Variants in FMNL3 observed in about 807,000 individuals in gnomAD.
FMNL3 encodes the protein formin like 3.
FMNL3 carries 57 observed loss-of-function variants against 119.6 expected under a neutral mutation model. The observed-to-expected ratio is 0.48, with a 90% CI of 0.39 to 0.59. The LOEUF (loss-of-function observed/expected upper bound fraction) is 0.59. Ranked by LOEUF, FMNL3 falls within the 20% of genes least tolerant of loss-of-function variation. The pLI, the probability that FMNL3 is intolerant of heterozygous loss-of-function variation, is 0.00. For missense variants in FMNL3, 1,053 were observed against 1,323.5 expected, an observed-to-expected ratio of 0.80 and a Z score of 3.17; for synonymous variants, 491 against 507.3, an observed-to-expected ratio of 0.97 and a Z score of 0.43.
At position 49,639,356 on chromosome 12, in the gene FMNL3, T is replaced by C. The variant is rs1382356018; in HGVS notation, c.*6459A>G. ...CTGTTGGGGCTACTTGGTACAAAAGTCCAAGAAGCACTAGATGCTAGGAGC... is the reference window on the plus strand; with the variant it reads ...CTGTTGGGGCTACTTGGTACAAAAGCCCAAGAAGCACTAGATGCTAGGAGC... On this transcript the variant is annotated 3_prime_UTR_variant, in exon 26 of 26. Coordinates refer to ENST00000335154, the MANE Select transcript of FMNL3 (RefSeq NM_175736.5). 1 of 152,190 alleles carries C rather than the reference T, an allele frequency of 6.6e-6. No individual in the cohort carries two copies. The highest frequency in any genetic ancestry group is 6.5e-5 in the Admixed American group (1 of 15,278). 9.4% of individuals were successfully genotyped at this position (152,190 alleles called of 1,614,324 possible).
chr12:49,643,920 A>G lies in FMNL3; in HGVS notation c.*1895T>C. The G allele has an allele frequency of 4.3e-6, 7 of 1,614,252 alleles. No individual in the cohort carries two copies. The highest frequency in any genetic ancestry group is 5.9e-6 in the Non-Finnish European group (7 of 1,180,046). ...AAGCTGGCAAGGAGAGCGATGAGAA[A>G]GAACAAGAACAGGACAAGGACAGGG... On this transcript the variant is annotated 3_prime_UTR_variant, in exon 26 of 26. Transcript: ENST00000335154.
Position 49,642,101 on chromosome 12 carries a change from A to G in FMNL3, c.*3714T>C. 1 of 1,603,084 alleles carries G rather than the reference A, an allele frequency of 6.2e-7. No homozygotes were observed. ...TCCATTCCTTCTCACTCACTGTCCC[A>G]CTGACTATATTCCCAATTCAGGGGA... On this transcript the variant is annotated 3_prime_UTR_variant, in exon 26 of 26. Coordinates refer to ENST00000335154, the MANE Select transcript of FMNL3 (RefSeq NM_175736.5). This position sits in a 1 kb window ranked among gnomAD's most constrained non-coding sequence, Gnocchi z 5.8.
At chr12:49,658,309 G>T in intron 6 of FMNL3, 133 bp downstream of exon 6, 1 of 1,287,592 alleles carries the variant, frequency 7.8e-7, no homozygotes, top group Non-Finnish European at 1.0e-6. Flanking sequence ...GAGACAGACT[G>T]GCAGGCAGAG....
At chr12:49,704,581 C>T (rs983855240) in intron 1 of FMNL3, among the ~76,000 whole-genome samples, 2 of 152,002 alleles carry the variant, frequency 1.3e-5, no homozygotes, top group Admixed American at 6.6e-5. Flanking sequence ...CTTAGTGGCA[C>T]GCGCCTGTAA....
At chr12:49,673,495 G>A (rs572472891) in intron 1 of FMNL3, among the ~76,000 whole-genome samples, 1 of 152,354 alleles carries the variant, frequency 6.6e-6, no homozygotes, top group African/African-American at 2.4e-5. Context: ...ATTACTAGCT[G>A]CCAAAAGGAC....
In FMNL3 at chr12:49,653,205, C is replaced by T. The variant is rs753257601; in HGVS notation, c.1323+21G>A. The T allele has an allele frequency of 3.1e-6, 5 of 1,610,318 alleles. 1 individual carries two copies. In the South Asian group the frequency reaches 5.5e-5, roughly 18 times the overall value. ...GGAGCCCAGGATCAGTCAGGGACTG[C>T]CTTCCCCAGAGTACTTGTACCTTGA... On this transcript the variant is annotated intron_variant, in intron 13 of 25. Coordinates refer to ENST00000335154, the MANE Select transcript of FMNL3 (RefSeq NM_175736.5).
intron 1 of FMNL3, among the ~76,000 whole-genome samples, chr12:49,686,006 G>A (rs1448084868): frequency 2.0e-5 from 3 of 152,162 alleles, no homozygotes; most frequent in South Asian, 4.1e-4. Context: ...GGCAGAGGTT[G>A]CAGTGAGCTG....
At position 49,649,384 on chromosome 12, in the gene FMNL3, A is replaced by T; in HGVS notation, c.2305-45T>A. On this transcript the variant is annotated intron_variant, in intron 19 of 25. Transcript: ENST00000335154. The surrounding 1 kb of genome is among the most constrained non-coding windows in gnomAD (Gnocchi z 5.6). Reference sequence around the variant, plus strand: ...GAGGCAGGTCAGGCTCAGGTCCTGAAGGCTCCTTCTTCCTCTCTGTATAGC... The same window carrying T: ...GAGGCAGGTCAGGCTCAGGTCCTGATGGCTCCTTCTTCCTCTCTGTATAGC... The T allele has an allele frequency of 6.2e-7, 1 of 1,613,710 alleles. No individual in the cohort carries two copies. Among genetic ancestry groups the T allele is most frequent in the South Asian group, 1.1e-5 (1 of 91,068 alleles).
intron 1 of FMNL3, among the ~76,000 whole-genome samples, chr12:49,672,863 C>G (rs1343875252): frequency 2.6e-5 from 4 of 152,164 alleles, no homozygotes; most frequent in Non-Finnish European, 5.9e-5. Flanking sequence ...GAAATAGGAA[C>G]CACCAAAAAT....
Position 49,649,166 on chromosome 12 carries a change from A to G in FMNL3, c.2386-8T>C. On this transcript the variant is annotated splice_region_variant and splice_polypyrimidine_tract_variant and intron_variant, in intron 20 of 25. Transcript: ENST00000335154. The surrounding 1 kb of genome is among the most constrained non-coding windows in gnomAD (Gnocchi z 5.6). ...GGACTTGGTATCCAGCAGCTAGGAG[A>G]GGGGGTGAGGGCGGTGCACAAGAGC... 1 of 1,612,250 alleles carries G rather than the reference A, an allele frequency of 6.2e-7. No homozygotes were observed. Among genetic ancestry groups the G allele is most frequent in the Non-Finnish European group, 8.5e-7 (1 of 1,179,072 alleles).
In FMNL3 at chr12:49,656,494, G is replaced by T. The variant is rs754551236; in HGVS notation, c.795C>A (p.Thr265=). The change falls in exon 9 of 26, where the codon ACC becomes ACA. Residue 265 remains threonine (T), a synonymous_variant. Coordinates refer to ENST00000335154, the MANE Select transcript of FMNL3 (RefSeq NM_175736.5). ...ALSLNNKNPR[T]KALVLELLAA... ...CCAGAAGCTCTAAGACAAGGGCTTT[G>T]GTCCTAAGGGGTGAAGAAGGAAGAT... The T allele has an allele frequency of 6.2e-7, 1 of 1,613,202 alleles. No homozygotes were observed. The highest frequency in any genetic ancestry group is 1.1e-5 in the South Asian group (1 of 90,926).
chr12:49,673,577 G>A (rs1944102715), intron 1 of FMNL3, among the ~76,000 whole-genome samples: 1 of 152,180 alleles, frequency 6.6e-6, no homozygotes, highest in African/African-American at 2.4e-5. Context: ...GTTGGGCCCT[G>A]CTCCCAAAGG....
Position 49,679,519 on chromosome 12 carries a change from CTTT to C in FMNL3, c.127-10968_127-10966del, listed in dbSNP as rs551320921. Among the ~76,000 whole-genome samples the C allele has an allele frequency of 1.2e-3, 109 of 90,640 alleles. 2 individuals are homozygous for C. Among genetic ancestry groups the C allele is most frequent in the African/African-American group, 4.2e-3 (89 of 21,440 alleles). The allele number at this position is 90,640 out of a possible 152,430, so 59.5% of individuals were successfully genotyped here. A position where few individuals can be genotyped will look rare whatever the true frequency, so the allele number is the denominator to read the frequency against. The stretch of plus-strand genomic sequence containing the variant: ...ATCATTCTTGGAACAGCATTTGTGT[CTTT>C]TTTTTTTTTTTTTTTTTTTTTTGAG... On this transcript the variant is annotated intron_variant, in intron 1 of 25. Transcript: ENST00000335154.
At position 49,642,749 on chromosome 12, in the gene FMNL3, G is replaced by A. The variant is rs79992759; in HGVS notation, c.*3066C>T. 5,799 of 1,518,488 alleles carry A rather than the reference G, an allele frequency of 3.8e-3. 196 individuals are homozygous for A. The African/African-American group carries it at 0.071, about 19-fold the overall frequency. 94.1% of individuals were successfully genotyped at this position (1,518,488 alleles called of 1,614,324 possible). The stretch of plus-strand genomic sequence containing the variant: ...AGACCAGTTCAACAGAGACCTCAGT[G>A]GCCTCCCTCTTACCCTTAGGGCACT... On this transcript the variant is annotated 3_prime_UTR_variant, in exon 26 of 26. Transcript: ENST00000335154. The surrounding 1 kb of genome is among the most constrained non-coding windows in gnomAD (Gnocchi z 5.8).
Position 49,707,170 on chromosome 12 carries a change from A to G in FMNL3, c.11T>C (p.Leu4Pro). Residue 4 changes from leucine (L) to proline (P), a missense_variant, in exon 1 of 26, where the codon CTG becomes CCG. Transcript: ENST00000335154. Reference sequence around the variant, plus strand: ...TCCCGGGACCCCCTCGGCGCTCTCCAGGTTGCCCATCGCGGCGGGGCCCCC... The same window carrying G: ...TCCCGGGACCCCCTCGGCGCTCTCCGGGTTGCCCATCGCGGCGGGGCCCCC... Reference protein sequence around the residue: MGNLESAEGVPGEP... With the variant: MGNPESAEGVPGEP... The G allele has an allele frequency of 6.4e-7, 1 of 1,564,534 alleles. No individual in the cohort carries two copies.
At chr12:49,684,784 T>C (rs11169106) in intron 1 of FMNL3, among the ~76,000 whole-genome samples, 32,496 of 152,116 alleles carry the variant, frequency 0.21, 5,782 homozygotes, top group African/African-American at 0.5. Context: ...GAGCACTTCA[T>C]GAGGGAGCAG....
At chr12:49,671,134 C>T (rs1723469491) in intron 1 of FMNL3, among the ~76,000 whole-genome samples, 1 of 152,218 alleles carries the variant, frequency 6.6e-6, no homozygotes, top group African/African-American at 2.4e-5. Context: ...CCTCAGCCAC[C>T]CACTGTCAGC....
Position 49,643,605 on chromosome 12 carries a change from G to A in FMNL3, c.*2210C>T, listed in dbSNP as rs1273968130. 2 of 1,465,110 alleles carry A rather than the reference G, an allele frequency of 1.4e-6. No homozygotes were observed. The highest frequency in any genetic ancestry group is 1.3e-5 in the South Asian group (1 of 78,130). 90.8% of individuals were successfully genotyped at this position (1,465,110 alleles called of 1,614,324 possible). A position where few individuals can be genotyped will look rare whatever the true frequency, so the allele number is the denominator to read the frequency against. Reference sequence around the variant, plus strand: ...TCCTCAGAGCATGAGGTTCCTGCCTGTGAAGAATGAACAGAGGGGCTAGAA... The same window carrying A: ...TCCTCAGAGCATGAGGTTCCTGCCTATGAAGAATGAACAGAGGGGCTAGAA... On this transcript the variant is annotated 3_prime_UTR_variant, in exon 26 of 26. Transcript: ENST00000335154.
Position 49,644,626 on chromosome 12 carries a change from T to C in FMNL3, c.*1189A>G, listed in dbSNP as rs1262128373. ...CCACCCAGGACCTAATGTACGTGTG[T>C]TTTGTTTTTTGTTTTTTAAATAACA... On this transcript the variant is annotated 3_prime_UTR_variant, in exon 26 of 26. Coordinates refer to ENST00000335154, the MANE Select transcript of FMNL3 (RefSeq NM_175736.5). The C allele has an allele frequency of 1.1e-5, 2 of 188,390 alleles. No individual in the cohort carries two copies. The highest frequency in any genetic ancestry group is 4.7e-5 in the African/African-American group (2 of 42,688). 11.7% of individuals were successfully genotyped at this position (188,390 alleles called of 1,614,324 possible). A position where few individuals can be genotyped will look rare whatever the true frequency, so the allele number is the denominator to read the frequency against.
Sources: allele counts gnomAD v4.1 joint callset (sites outside exome capture counted in the v4.1 genomes callset), GRCh38; gene constraint gnomAD v4.1.1; non-coding constraint Gnocchi (gnomAD v3.1); transcripts MANE v1.5; gene names NCBI Gene and HGNC (gene_info 2026-07-23, HGNC 2026-07-21).